SAMD3: variants seen among roughly 807,000 people sequenced by gnomAD.
SAMD3 encodes the protein sterile alpha motif domain-containing protein 3.
In SAMD3, 63 loss-of-function variants were observed where a neutral mutation model predicts 58.5. The ratio of observed to expected loss-of-function variants is 1.08; its 90% CI spans 0.88 to 1.33. The LOEUF (loss-of-function observed/expected upper bound fraction) is 1.33. SAMD3 is among the 40% of genes most tolerant of loss of function. The probability of loss-of-function intolerance (pLI) is 0.00; values close to 1 mark genes in which losing one functional copy is unlikely to be tolerated. For synonymous variants in SAMD3, 220 were observed against 210.3 expected (o/e 1.05, Z -0.40); for missense variants, 604 against 608.4 (o/e 0.99, Z 0.08).
intron 8 of SAMD3, among the ~76,000 whole-genome samples, chr6:130,159,263 C>T (rs1265210756): frequency 1.3e-5 from 2 of 152,216 alleles, no homozygotes. Context: ...CTCTGTTTGC[C>T]TGTTGCCATC....
intron 1 of SAMD3, among the ~76,000 whole-genome samples, chr6:130,348,431 G>C (rs1362797079): frequency 6.6e-6 from 1 of 152,150 alleles, no homozygotes; most frequent in African/African-American, 2.4e-5. Flanking sequence ...TGCAATCCTA[G>C]TCTCGGATAA....
intron 2 of SAMD3, among the ~76,000 whole-genome samples, chr6:130,261,856 G>C (rs1774152877): frequency 6.6e-6 from 1 of 152,080 alleles, no homozygotes; most frequent in Non-Finnish European, 1.5e-5. Context: ...ATCCAGACCA[G>C]TTCCCATACA....
intron 1 of SAMD3, among the ~76,000 whole-genome samples, chr6:130,354,900 C>T (rs1777780823): frequency 1.3e-5 from 2 of 152,154 alleles, no homozygotes; most frequent in Non-Finnish European, 2.9e-5. Flanking sequence ...TTGAGACCTG[C>T]TAACCTTTTA....
chr6:130,256,589 T>C (rs1773934448), intron 2 of SAMD3, among the ~76,000 whole-genome samples: 1 of 152,228 alleles, frequency 6.6e-6, no homozygotes, highest in Non-Finnish European at 1.5e-5. Context: ...TTCCACTTTT[T>C]AGCTAGGAGA....
chr6:130,214,895 A>G (rs549754419), intron 3 of SAMD3, among the ~76,000 whole-genome samples: 2 of 152,342 alleles, frequency 1.3e-5, no homozygotes, highest in Non-Finnish European at 2.9e-5. Flanking sequence ...CACAAAATAC[A>G]TACTGTATTA....
At chr6:130,255,396 T>C (rs6920687) in intron 2 of SAMD3, among the ~76,000 whole-genome samples, 3,363 of 152,288 alleles carry the variant, frequency 0.022, 71 homozygotes, top group Middle Eastern at 0.048. Flanking sequence ...TAATAGGGTA[T>C]TGAAGCCCCC....
At chr6:130,335,345 T>C (rs971189761) in intron 1 of SAMD3, among the ~76,000 whole-genome samples, 1 of 152,234 alleles carries the variant, frequency 6.6e-6, no homozygotes, top group African/African-American at 2.4e-5. Context: ...AGGAATATGA[T>C]GGCTTAGCTC....
In SAMD3 at chr6:130,144,680, G is replaced by A. The variant is rs140029919; in HGVS notation, c.1403C>T (p.Ala468Val). 2.1e-5 allele frequency: 34 copies of A among 1,614,092 alleles called. No individual in the cohort carries two copies. The highest frequency in any genetic ancestry group is 1.7e-4 in the African/African-American group (13 of 75,032). The change falls in exon 12 of 12, where the codon GCG becomes GTG. Residue 468 changes from alanine to valine, a missense_variant. Transcript: ENST00000439090. ...AAATACATGAAAGGCAGCTACTAGC[G>A]CAGCCAAGGCTGTAACACAGTCGTC... ...KVDDCVTALA[A>V]LVAAFHVFRI...
At chr6:130,242,326 G>C (rs902532099) in intron 2 of SAMD3, among the ~76,000 whole-genome samples, 2 of 152,228 alleles carry the variant, frequency 1.3e-5, no homozygotes, top group African/African-American at 4.8e-5. Flanking sequence ...ATGTCAATAA[G>C]TGAGTGTGGA....
At chr6:130,348,732 T>C (rs567227112) in intron 1 of SAMD3, among the ~76,000 whole-genome samples, 1 of 152,294 alleles carries the variant, frequency 6.6e-6, no homozygotes, top group Non-Finnish European at 1.5e-5. Flanking sequence ...GCGGACCTAA[T>C]AGACATCTAC....
intron 1 of SAMD3, among the ~76,000 whole-genome samples, 172 bp downstream of exon 1, chr6:130,222,522 A>G (rs1026359477): frequency 1.3e-5 from 2 of 152,234 alleles, no homozygotes; most frequent in Non-Finnish European, 2.9e-5. Context: ...GCTTGGTTAC[A>G]CAAAGGCTGG....
intron 2 of SAMD3, among the ~76,000 whole-genome samples, chr6:130,262,769 T>G (rs1294963770): frequency 6.6e-6 from 1 of 152,164 alleles, no homozygotes. Context: ...TTTACCTACA[T>G]TAAAAGGTTA....
In SAMD3 at chr6:130,245,004, T is replaced by A. The variant is rs117193151; in HGVS notation, c.-187-22191A>T. On this transcript the variant is annotated intron_variant, in intron 2 of 13. Transcript: ENST00000368134. ...AAGCAGTATTGTGACTGAAGTGTTCTGATGTGCTCGTGGGCTGTATGAATT... is the reference window on the plus strand; with the variant it reads ...AAGCAGTATTGTGACTGAAGTGTTCAGATGTGCTCGTGGGCTGTATGAATT... Among the ~76,000 whole-genome samples, 983 of 152,342 alleles carry A rather than the reference T, an allele frequency of 6.5e-3. 8 individuals are homozygous for A. The highest frequency in any genetic ancestry group is 9.9e-3 in the Non-Finnish European group (673 of 68,024).
intron 1 of SAMD3, among the ~76,000 whole-genome samples, chr6:130,360,272 T>C (rs1459373374): frequency 6.6e-6 from 1 of 152,252 alleles, no homozygotes; most frequent in Non-Finnish European, 1.5e-5. Context: ...TTTTCTCATG[T>C]TCCAAAAGAA....
At position 130,271,801 on chromosome 6, in the gene SAMD3, G is replaced by A. The variant is rs9492520; in HGVS notation, c.-188+41177C>T. On this transcript the variant is annotated intron_variant, in intron 2 of 13. Coordinates refer to the SAMD3 transcript ENST00000368134. ...CTCATATTCGTGGCAGAAGATGAAG[G>A]AAGAGCTAACGAACATCTTACATGG... Among the ~76,000 whole-genome samples, 1,391 of 152,326 alleles carry A rather than the reference G, an allele frequency of 9.1e-3. 19 individuals are homozygous for A. The highest frequency in any genetic ancestry group is 0.031 in the African/African-American group (1,305 of 41,572).
chr6:130,324,418 G>T (rs1776688670), intron 1 of SAMD3, among the ~76,000 whole-genome samples: 1 of 152,156 alleles, frequency 6.6e-6, no homozygotes, highest in Non-Finnish European at 1.5e-5. Flanking sequence ...GAATATTCTT[G>T]ACAGTCTATA....
intron 5 of SAMD3, among the ~76,000 whole-genome samples, chr6:130,196,219 C>A (rs1271090331): frequency 1.3e-5 from 2 of 152,176 alleles, no homozygotes; most frequent in East Asian, 3.9e-4. Flanking sequence ...TTTAAAATAA[C>A]AAACTATGCT....
upstream of SAMD3, among the ~76,000 whole-genome samples, chr6:130,223,602 T>C (rs1020115931): frequency 1.3e-5 from 2 of 152,168 alleles, no homozygotes; most frequent in Admixed American, 6.5e-5. Flanking sequence ...GTAGGCCTCT[T>C]CAGGAAGAAG....
At chr6:130,283,181 G>A (rs1217874794) in intron 2 of SAMD3, among the ~76,000 whole-genome samples, 2 of 152,156 alleles carry the variant, frequency 1.3e-5, no homozygotes, top group African/African-American at 4.8e-5. Flanking sequence ...AAACAGAGTT[G>A]GAATGAAGAC....
Sources: allele counts gnomAD v4.1 joint callset (sites outside exome capture counted in the v4.1 genomes callset), GRCh38; gene constraint gnomAD v4.1.1; transcripts MANE v1.5; gene names NCBI Gene and HGNC (gene_info 2026-07-23, HGNC 2026-07-21).